NFIC: variants seen among roughly 807,000 people sequenced by gnomAD.
NFIC encodes the protein nuclear factor 1 C-type.
NFIC carries 12 observed loss-of-function variants against 54.4 expected under a neutral mutation model. The observed-to-expected ratio is 0.22, with a 90% CI of 0.14 to 0.36. The LOEUF (loss-of-function observed/expected upper bound fraction) is 0.36. NFIC is among the 10% of genes least tolerant of loss of function. The pLI is 1.00. For synonymous variants in NFIC, 322 were observed against 319.2 expected, an observed-to-expected ratio of 1.01 and a Z score of -0.09; for missense variants, 575 against 718.2, an observed-to-expected ratio of 0.80 and a Z score of 2.28.
At chr19:3,441,684 C>A (rs1042099755) in intron 6 of NFIC, among the ~76,000 whole-genome samples, 1 of 152,206 alleles carries the variant, frequency 6.6e-6, no homozygotes, top group South Asian at 2.1e-4. Context: ...GCCAGAGGGG[C>A]CGGGGGCACA....
chr19:3,410,712 A>G (rs1281137484), intron 2 of NFIC: 1 of 152,320 alleles, frequency 6.6e-6, no homozygotes, highest in Non-Finnish European at 1.5e-5. Context: ...TCATCAAAAC[A>G]GACTTTATCA....
At position 3,452,778 on chromosome 19, in the gene NFIC, G is replaced by T; in HGVS notation, c.1269+112G>T. 1 of 1,288,636 alleles carries T rather than the reference G, an allele frequency of 7.8e-7. No homozygotes were observed. 79.8% of individuals were successfully genotyped at this position (1,288,636 alleles called of 1,614,324 possible). On this transcript the variant is annotated intron_variant, in intron 8 of 10. Coordinates refer to ENST00000443272, the MANE Select transcript of NFIC (RefSeq NM_001245002.2). This position sits in a 1 kb window ranked among gnomAD's most constrained non-coding sequence, Gnocchi z 5.3. ...CTGCTTAAAAGGGTCTTGAGGACTT[G>T]GCTCTGAAGTCCCCTCCTCTGTCGT...
At chr19:3,456,034 G>A (rs2015824265) in intron 9 of NFIC, among the ~76,000 whole-genome samples, 1 of 152,192 alleles carries the variant, frequency 6.6e-6, no homozygotes, top group South Asian at 2.1e-4. Flanking sequence ...TGTAGCCCCA[G>A]GCCGTGAGTT....
chr19:3,372,707 TGGGG>T (rs2081041985), intron 1 of NFIC, among the ~76,000 whole-genome samples: 3 of 88,802 alleles, frequency 3.4e-5, no homozygotes, highest in Non-Finnish European at 5.0e-5. Context: ...GGCCCAGGAG[TGGGG>T]TGGGGGGGTG....
chr19:3,409,808 G>C (rs1218961529), intron 2 of NFIC, among the ~76,000 whole-genome samples: 1 of 152,244 alleles, frequency 6.6e-6, no homozygotes, highest in South Asian at 2.1e-4. Context: ...TTGTTTGCTT[G>C]AGCAAAGGCT....
Position 3,433,561 on chromosome 19 carries a change from C to G in NFIC, c.678C>G (p.Phe226Leu). The change falls in exon 4 of 11, where the codon TTC (phenylalanine) becomes TTG (leucine). Residue 226 changes from phenylalanine (F) to leucine (L), a missense_variant. Physicochemically the swap from Phe to Leu is conservative, Grantham distance 22. Coordinates refer to ENST00000443272, the MANE Select transcript of NFIC (RefSeq NM_001245002.2). ...AGAGCTTTGTCACCTCCGGCGTGTT[C>G]AGCGTCACTGAGCTCATCCAAGTGT... ...FQESFVTSGV[F>L]SVTELIQVSR... 6.8e-6 allele frequency: 11 copies of G among 1,614,012 alleles called. No individual in the cohort carries two copies. Among genetic ancestry groups the G allele is most frequent in the Non-Finnish European group, 9.3e-6 (11 of 1,179,908 alleles).
intron 3 of NFIC, among the ~76,000 whole-genome samples, chr19:3,429,136 T>A (rs12976989): frequency 1.6e-4 from 13 of 83,842 alleles, no homozygotes; most frequent in South Asian, 4.4e-4. Flanking sequence ...AAAAAAAATA[T>A]ACACACACAC....
chr19:3,409,958 C>T (rs1344953118), intron 2 of NFIC, among the ~76,000 whole-genome samples: 1 of 152,176 alleles, frequency 6.6e-6, no homozygotes, highest in Non-Finnish European at 1.5e-5. Context: ...CTGTGTTTCC[C>T]CTACTTTGGG....
chr19:3,456,537 C>G lies in NFIC; in HGVS notation c.1424-13C>G, dbSNP rs749283218. On this transcript the variant is annotated splice_polypyrimidine_tract_variant and intron_variant, in intron 9 of 10. Coordinates refer to ENST00000443272, the MANE Select transcript of NFIC (RefSeq NM_001245002.2). ...CCTCGCTAACGGGCTCTCGGTCTCT[C>G]TCCTCCCTGCAGCCTACTCTCCGCC... 3.9e-6 allele frequency: 6 copies of G among 1,551,080 alleles called. No individual in the cohort carries two copies. Among genetic ancestry groups the G allele is most frequent in the Non-Finnish European group, 5.2e-6 (6 of 1,146,672 alleles).
chr19:3,420,326 C>T (rs753699075), intron 2 of NFIC, among the ~76,000 whole-genome samples: 7 of 151,782 alleles, frequency 4.6e-5, no homozygotes, highest in Non-Finnish European at 8.8e-5. Context: ...GTCTCAAAAA[C>T]GAAGAAGAGA....
intron 7 of NFIC, among the ~76,000 whole-genome samples, chr19:3,449,983 A>G (rs2082434481): frequency 6.6e-6 from 1 of 151,464 alleles, no homozygotes; most frequent in Admixed American, 6.6e-5. Context: ...TGAACCCAGG[A>G]GGCAGAGGTT....
intron 5 of NFIC, 72 bp downstream of exon 5, chr19:3,434,472 T>C: frequency 6.7e-7 from 1 of 1,491,108 alleles, no homozygotes; most frequent in Non-Finnish European, 8.9e-7. Flanking sequence ...TGGCCCGAGC[T>C]GACTCATTCC....
chr19:3,400,599 G>A (rs1428228044), intron 2 of NFIC, among the ~76,000 whole-genome samples: 1 of 152,184 alleles, frequency 6.6e-6, no homozygotes, highest in African/African-American at 2.4e-5. Context: ...CCAGCACTGT[G>A]GGGGGCCGAG....
At chr19:3,412,411 A>ATTTATT (rs958073771) in intron 2 of NFIC, among the ~76,000 whole-genome samples, 1 of 152,112 alleles carries the variant, frequency 6.6e-6, no homozygotes, top group East Asian at 1.9e-4. Context: ...TGCCCAGCTA[A>ATTTATT]TTTATTTTTA....
rs2081094988 is a variant in NFIC, at chr19:3,375,682, T to C, written c.31-6030T>C. On this transcript the variant is annotated intron_variant, in intron 1 of 10. Transcript: ENST00000443272. The surrounding 1 kb of genome is among the most constrained non-coding windows in gnomAD (Gnocchi z 4.6). ...TCGCTGGTACAAGCTGACTCTGGTC[T>C]CACTGGGTGGGGAGGCTATTTTCAG... Among the ~76,000 whole-genome samples, 1 of 152,176 alleles carries C rather than the reference T, an allele frequency of 6.6e-6. No homozygotes were observed. The highest frequency in any genetic ancestry group is 2.1e-4 in the South Asian group (1 of 4,836).
At chr19:3,455,398 G>GC (rs1313512463) in intron 9 of NFIC, among the ~76,000 whole-genome samples, 1 of 151,226 alleles carries the variant, frequency 6.6e-6, no homozygotes, top group Non-Finnish European at 1.5e-5. Context: ...GTGGGATTAT[G>GC]CCCAGTGCCT....
intron 1 of NFIC, among the ~76,000 whole-genome samples, chr19:3,368,544 ACAGAGGCAGAGAGCTCC>A (rs2145427258): frequency 6.6e-6 from 1 of 152,320 alleles, no homozygotes; most frequent in East Asian, 1.9e-4. Context: ...AGGCAGAGAG[ACAGAGGCAGAGAGCTCC>A]CAGGCCAGAG....
chr19:3,444,463 C>G (rs2082340651), intron 6 of NFIC, among the ~76,000 whole-genome samples: 1 of 152,230 alleles, frequency 6.6e-6, no homozygotes, highest in South Asian at 2.1e-4. Context: ...GGAGGTCCCA[C>G]AGGGGTCCCA....
At chr19:3,457,223 G>C (rs1278065971) in intron 10 of NFIC, among the ~76,000 whole-genome samples, 2 of 152,210 alleles carry the variant, frequency 1.3e-5, no homozygotes, top group African/African-American at 4.8e-5. Context: ...GCAGGGGCCA[G>C]CGTTCATGTT....
Sources: allele counts gnomAD v4.1 joint callset (sites outside exome capture counted in the v4.1 genomes callset), GRCh38; gene constraint gnomAD v4.1.1; non-coding constraint Gnocchi (gnomAD v3.1); transcripts MANE v1.5; gene names NCBI Gene and HGNC (gene_info 2026-07-23, HGNC 2026-07-21).